The following VPS35L variants were observed in gnomAD, a reference collection of about 807,000 sequenced individuals.
VPS35L encodes the protein VPS35 endosomal protein-sorting factor-like.
VPS35L carries 83 observed loss-of-function variants against 133.0 expected under a neutral mutation model. The observed-to-expected ratio is 0.62, with a 90% CI of 0.52 to 0.75. The LOEUF (loss-of-function observed/expected upper bound fraction) is 0.75, where lower values mean the gene tolerates loss of function less well. Among genes scored for constraint, VPS35L ranks in the 30% least tolerant of loss-of-function variants. The probability of loss-of-function intolerance (pLI) is 0.00; values close to 1 mark genes in which losing one functional copy is unlikely to be tolerated. For missense variants in VPS35L, 1,083 were observed against 1,206.8 expected (o/e 0.90, Z 1.52); for synonymous variants, 423 against 449.9 (o/e 0.94, Z 0.76).
chr16:19,654,591 A>G (rs993047110), intron 26 of VPS35L, among the ~76,000 whole-genome samples: 1 of 152,162 alleles, frequency 6.6e-6, no homozygotes, highest in Non-Finnish European at 1.5e-5. Flanking sequence ...GTGAGAAACA[A>G]AACAAAAATT....
chr16:19,652,285 T>A (rs1974156919), intron 26 of VPS35L, 195 bp downstream of exon 26: 3 of 540,222 alleles, frequency 5.6e-6, no homozygotes, highest in East Asian at 3.3e-5. Context: ...CAAGCAGTCC[T>A]CCTGAGTAGC....
chr16:19,563,344 C>G (rs1390725675), intron 1 of VPS35L, among the ~76,000 whole-genome samples: 2 of 151,070 alleles, frequency 1.3e-5, no homozygotes, highest in East Asian at 1.9e-4. Flanking sequence ...AGGAAAAATT[C>G]TGTTTGGTTT....
chr16:19,692,348 C>CT (rs1480425203), intron 29 of VPS35L, among the ~76,000 whole-genome samples: 1 of 152,164 alleles, frequency 6.6e-6, no homozygotes, highest in East Asian at 1.9e-4. Context: ...TACCTGGGCT[C>CT]TTTCAGTGCC....
intron 27 of VPS35L, among the ~76,000 whole-genome samples, chr16:19,671,485 G>A (rs1484205255): frequency 1.5e-5 from 2 of 137,262 alleles, no homozygotes; most frequent in South Asian, 2.3e-4. Context: ...AAAAAAAAAT[G>A]TATTCCAAGG....
At chr16:19,642,516 T>C (rs1482855448) in intron 22 of VPS35L, 40 bp downstream of exon 22, 3 of 1,547,892 alleles carry the variant, frequency 1.9e-6, no homozygotes, top group Non-Finnish European at 1.8e-6. Context: ...ATGGATTGGG[T>C]CTTAATGCCA....
intron 14 of VPS35L, among the ~76,000 whole-genome samples, chr16:19,622,649 G>A (rs1001209936): frequency 6.6e-6 from 1 of 152,164 alleles, no homozygotes; most frequent in Non-Finnish European, 1.5e-5. Flanking sequence ...AAAGTTGCTC[G>A]TTAGGTAGGC....
chr16:19,576,667 A>C (rs548364967), intron 5 of VPS35L, among the ~76,000 whole-genome samples: 2 of 151,882 alleles, frequency 1.3e-5, no homozygotes, highest in African/African-American at 2.4e-5. Context: ...CACTCTCCCC[A>C]CGGCTCTGCT....
In VPS35L at chr16:19,564,898, T is replaced by G; in HGVS notation, c.65T>G (p.Leu22Arg). 6.2e-7 allele frequency: 1 copy of G among 1,613,718 alleles called. No individual in the cohort carries two copies. Among genetic ancestry groups the G allele is most frequent in the Non-Finnish European group, 8.5e-7 (1 of 1,179,692 alleles). ...NYKAEFASCR[L>R]EAVPLEFGDY... Reference sequence around the variant, plus strand: ...AAAGCTGAATTTGCATCATGCCGACTGGAGGCTGTACCATTGGAGTTTGGG... The same window carrying G: ...AAAGCTGAATTTGCATCATGCCGACGGGAGGCTGTACCATTGGAGTTTGGG... The change falls in exon 2 of 31, where the codon CTG (leucine) becomes CGG (arginine). Residue 22 changes from leucine (L) to arginine (R), a missense_variant. Coordinates refer to ENST00000417362, the MANE Select transcript of VPS35L (RefSeq NM_020314.7).
At chr16:19,569,096 A>T (rs1050138203) in intron 2 of VPS35L, 2 of 458,712 alleles carry the variant, frequency 4.4e-6, no homozygotes, top group African/African-American at 4.0e-5. Context: ...GATTAAGCTT[A>T]AGTTCCATTT....
rs766562519 is a variant in VPS35L, at chr16:19,610,413, C to A, written c.1021C>A (p.Arg341=). ...GGTGTATGCCCGTGCCTACCTGTGCCGGGTAGGCCATGCGAGTCACTGCCC... is the reference window on the plus strand; with the variant it reads ...GGTGTATGCCCGTGCCTACCTGTGCAGGGTAGGCCATGCGAGTCACTGCCC... The part of the protein sequence containing the change: ...VSVYARAYLC[R]VGMEVAPHLK... The change falls in exon 12 of 31, where the codon CGG becomes AGG. Residue 341 remains arginine (R), a splice_region_variant and synonymous_variant. Coordinates refer to ENST00000417362, the MANE Select transcript of VPS35L (RefSeq NM_020314.7). 1 of 1,613,320 alleles carries A rather than the reference C, an allele frequency of 6.2e-7. No homozygotes were observed. The highest frequency in any genetic ancestry group is 1.3e-5 in the African/African-American group (1 of 74,888).
At chr16:19,667,596 T>G (rs1425913572) in intron 26 of VPS35L, among the ~76,000 whole-genome samples, 1 of 151,740 alleles carries the variant, frequency 6.6e-6, no homozygotes, top group Non-Finnish European at 1.5e-5. Context: ...TAGCCAGGGA[T>G]GATGGTGCAC....
intron 14 of VPS35L, among the ~76,000 whole-genome samples, chr16:19,622,140 C>CTTTTTTTT (rs60521137): frequency 2.3e-4 from 25 of 107,918 alleles, no homozygotes; most frequent in South Asian, 3.7e-4. Context: ...CCATGTATAT[C>CTTTTTTTT]TTTTTTTTTT....
chr16:19,618,648 A>T (rs1972976137), intron 14 of VPS35L, among the ~76,000 whole-genome samples: 1 of 152,068 alleles, frequency 6.6e-6, no homozygotes, highest in Admixed American at 6.6e-5. Flanking sequence ...AGCTGTTGTG[A>T]TAGAGTAGGG....
chr16:19,639,198 G>A lies in VPS35L; in HGVS notation c.1699-817G>A, dbSNP rs746160091. On this transcript the variant is annotated intron_variant, in intron 20 of 30. Coordinates refer to ENST00000417362, the MANE Select transcript of VPS35L (RefSeq NM_020314.7). This position sits in a 1 kb window ranked among gnomAD's most constrained non-coding sequence, Gnocchi z 4.1. ...AACTGACACTATGGAAAGCAAAACC[G>A]CAGATAAGGGAGCAACTACCATATT... is the stretch of plus-strand genomic sequence containing the variant. 6.6e-5 allele frequency among the ~76,000 whole-genome samples: 10 copies of A among 152,192 alleles called. No homozygotes were observed. Among genetic ancestry groups the A allele is most frequent in the Non-Finnish European group, 1.2e-4 (8 of 68,026 alleles).
intron 1 of VPS35L, among the ~76,000 whole-genome samples, chr16:19,560,874 T>C (rs544691909): frequency 1.3e-5 from 2 of 152,166 alleles, no homozygotes; most frequent in African/African-American, 2.4e-5. Flanking sequence ...ATGACTCTTA[T>C]TCAAATTTAT....
intron 14 of VPS35L, among the ~76,000 whole-genome samples, chr16:19,621,138 A>G (rs1973066622): frequency 6.6e-6 from 1 of 152,154 alleles, no homozygotes; most frequent in South Asian, 2.1e-4. Flanking sequence ...TAGATTCTCC[A>G]TTAAAAAAGG....
intron 19 of VPS35L, among the ~76,000 whole-genome samples, chr16:19,635,492 C>T (rs370383990): frequency 2.6e-5 from 4 of 152,142 alleles, no homozygotes; most frequent in Admixed American, 6.6e-5. Context: ...GAATGCAGTG[C>T]GCAATCTCAG....
At chr16:19,676,049 C>T (rs183640930) in intron 27 of VPS35L, among the ~76,000 whole-genome samples, 70 of 152,140 alleles carry the variant, frequency 4.6e-4, no homozygotes, top group African/African-American at 1.7e-3. Context: ...GTCAGGAGTT[C>T]GAGACCAGCC....
chr16:19,609,161 A>G, intron 11 of VPS35L, 140 bp downstream of exon 11: 1 of 719,900 alleles, frequency 1.4e-6, no homozygotes. Flanking sequence ...TCTTTTTCTC[A>G]TTGAATCCAA....
Sources: gnomAD v4.1 joint callset for allele counts (sites outside exome capture counted in the v4.1 genomes callset) on GRCh38, gnomAD v4.1.1 for gene constraint, Gnocchi (gnomAD v3.1) non-coding constraint, MANE v1.5 for transcripts, NCBI Gene and HGNC (gene_info 2026-07-23, HGNC 2026-07-21) for gene names.